The following ING5 variants were observed in gnomAD, a reference collection of about 807,000 sequenced individuals.
The protein encoded by ING5 is inhibitor of growth family member 5.
In ING5, 17 loss-of-function variants were observed where a neutral mutation model predicts 37.4. That is an observed-to-expected ratio of 0.45 (90% CI 0.31 to 0.68). The LOEUF (loss-of-function observed/expected upper bound fraction) is 0.68. Ranked by LOEUF, ING5 falls within the 30% of genes least tolerant of loss-of-function variation. The pLI is 0.05. For missense variants in ING5, 233 were observed against 311.9 expected (o/e 0.75, Z 1.91); for synonymous variants, 123 against 116.6 (o/e 1.06, Z -0.36).
intron 5 of ING5, among the ~76,000 whole-genome samples, chr2:241,715,287 T>G (rs972076955): frequency 6.6e-6 from 1 of 151,452 alleles, no homozygotes; most frequent in African/African-American, 2.4e-5. Flanking sequence ...CTCCACCTCC[T>G]GGGCTCAAGA....
upstream of ING5, chr2:241,701,972 G>A (rs1489821084): frequency 5.9e-5 from 51 of 860,318 alleles, no homozygotes; most frequent in Non-Finnish European, 7.2e-5. Context: ...CAGCGCGCGC[G>A]ACTCATGAAT....
intron 1 of ING5, among the ~76,000 whole-genome samples, chr2:241,702,491 G>C (rs983150781): frequency 6.6e-6 from 1 of 152,082 alleles, no homozygotes; most frequent in African/African-American, 2.4e-5. Flanking sequence ...CCGTCTGCAG[G>C]AGGAGCTGGC....
Position 241,726,500 on chromosome 2 carries a change from T to C in ING5, c.*1469T>C, listed in dbSNP as rs1226876987. On this transcript the variant is annotated 3_prime_UTR_variant, in exon 8 of 8. Coordinates refer to ENST00000313552, the MANE Select transcript of ING5 (RefSeq NM_032329.6). ...ACAAGAACACCCTGAACAGTCCTGG[T>C]TGGGATGGTGTCCACATTCATGTTC... 6.6e-6 allele frequency: 1 copy of C among 152,284 alleles called. No individual in the cohort carries two copies. The highest frequency in any genetic ancestry group is 2.4e-5 in the African/African-American group (1 of 41,472). The allele number at this position is 152,284 out of a possible 1,614,324, so 9.4% of individuals were successfully genotyped here.
chr2:241,717,669 A>G (rs908389439), intron 5 of ING5, among the ~76,000 whole-genome samples: 9 of 148,362 alleles, frequency 6.1e-5, no homozygotes, highest in Admixed American at 6.0e-4. Flanking sequence ...ATGATAAATT[A>G]CTGATAATAA....
rs569614125 is a variant in ING5 at position 241,710,773 on chromosome 2, C to T, written c.277-604C>T. On this transcript the variant is annotated intron_variant, in intron 3 of 7. Transcript: ENST00000313552. ...TGCTGGGATTACAGGTATGAGCCAC[C>T]GTGCCTGGCCTGTATTTTTAATAGA... 1.3e-3 allele frequency among the ~76,000 whole-genome samples: 200 copies of T among 150,032 alleles called. 2 individuals are homozygous for T. Among genetic ancestry groups the T allele is most frequent in the African/African-American group, 4.6e-3 (186 of 40,718 alleles).
intron 1 of ING5, among the ~76,000 whole-genome samples, chr2:241,688,776 A>G (rs1270753223): frequency 6.7e-6 from 1 of 149,690 alleles, no homozygotes. Flanking sequence ...GGCGCCCACC[A>G]CCACGCCCGG....
intron 5 of ING5, chr2:241,720,098 C>T: frequency 3.2e-6 from 4 of 1,239,706 alleles, no homozygotes; most frequent in Non-Finnish European, 4.0e-6. Flanking sequence ...GAGGATGGTG[C>T]AGGTGGGCAG....
Position 241,726,477 on chromosome 2 carries a change from A to G in ING5, c.*1446A>G, listed in dbSNP as rs1194304518. The G allele has an allele frequency of 6.6e-6, 1 of 152,266 alleles. No individual in the cohort carries two copies. Among genetic ancestry groups the G allele is most frequent in the Admixed American group, 6.5e-5 (1 of 15,282 alleles). 9.4% of individuals were successfully genotyped at this position (152,266 alleles called of 1,614,324 possible). A position where few individuals can be genotyped will look rare whatever the true frequency, so the allele number is the denominator to read the frequency against. ...AGTCAGTGAGTGAGAACAAGAGAACAAGAACACCCTGAACAGTCCTGGTTG... is the reference window on the plus strand; with the variant it reads ...AGTCAGTGAGTGAGAACAAGAGAACGAGAACACCCTGAACAGTCCTGGTTG... On this transcript the variant is annotated 3_prime_UTR_variant, in exon 8 of 8. Transcript: ENST00000313552.
In ING5 at chr2:241,729,457, ATAAAG is replaced by A. The variant is rs1382736408; in HGVS notation, c.*4429_*4433del. ...AGATTATGGATATATTGTTTAATAA[ATAAAG>A]TATTTTTTGGAACAAACAATTGAAA... On this transcript the variant is annotated 3_prime_UTR_variant, in exon 8 of 8. Transcript: ENST00000313552. The A allele has an allele frequency of 6.6e-6, 1 of 152,658 alleles. No homozygotes were observed. Among genetic ancestry groups the A allele is most frequent in the Non-Finnish European group, 1.5e-5 (1 of 68,054 alleles). The allele number at this position is 152,658 out of a possible 1,614,324, so 9.5% of individuals were successfully genotyped here.
rs1208607204 is a variant in ING5, at chr2:241,726,493, G to A, written c.*1462G>A. The A allele has an allele frequency of 1.3e-5, 2 of 152,296 alleles. No individual in the cohort carries two copies. The highest frequency in any genetic ancestry group is 2.4e-5 in the African/African-American group (1 of 41,478). The allele number at this position is 152,296 out of a possible 1,614,324, so 9.4% of individuals were successfully genotyped here. The stretch of plus-strand genomic sequence containing the variant: ...CAAGAGAACAAGAACACCCTGAACA[G>A]TCCTGGTTGGGATGGTGTCCACATT... On this transcript the variant is annotated 3_prime_UTR_variant, in exon 8 of 8. Transcript: ENST00000313552.
intron 5 of ING5, chr2:241,720,187 A>G: frequency 8.1e-7 from 1 of 1,234,640 alleles, no homozygotes; most frequent in Non-Finnish European, 1.0e-6. Context: ...GGTGCCTCCA[A>G]GGGCATCATC....
At chr2:241,721,139 C>T (rs1400125024) in intron 5 of ING5, 2 of 985,442 alleles carry the variant, frequency 2.0e-6, no homozygotes, top group Non-Finnish European at 2.4e-6. Context: ...GAGGGTGCTG[C>T]CCTGCTCTCC....
chr2:241,703,188 A>G (rs955854520), intron 1 of ING5, among the ~76,000 whole-genome samples: 2 of 151,946 alleles, frequency 1.3e-5, no homozygotes, highest in Non-Finnish European at 1.5e-5. Flanking sequence ...AGGAGGGTTG[A>G]CTTTGTGTGT....
intron 3 of ING5, among the ~76,000 whole-genome samples, chr2:241,710,188 C>A (rs1176232501): frequency 6.6e-6 from 1 of 152,130 alleles, no homozygotes; most frequent in Non-Finnish European, 1.5e-5. Context: ...CTCACTGCAA[C>A]CTGTGCCTCG....
upstream of ING5, among the ~76,000 whole-genome samples, chr2:241,699,716 T>C (rs1417625619): frequency 1.3e-5 from 2 of 152,120 alleles, no homozygotes; most frequent in Non-Finnish European, 2.9e-5. Flanking sequence ...GCCTACACGT[T>C]ACATCTAGTG....
intron 5 of ING5, chr2:241,721,626 G>T: frequency 1.0e-6 from 1 of 985,352 alleles, no homozygotes; most frequent in Non-Finnish European, 1.2e-6. Context: ...TTTTTCTCAC[G>T]GCCACGTTCC....
At chr2:241,713,373 T>G (rs1312845051) in intron 5 of ING5, among the ~76,000 whole-genome samples, 116 of 142,976 alleles carry the variant, frequency 8.1e-4, no homozygotes, top group African/African-American at 1.7e-3. Context: ...TTCAGTTTTT[T>G]TTTTTTTTTT....
At position 241,726,774 on chromosome 2, in the gene ING5, CTG is replaced by C. The variant is rs1691636598; in HGVS notation, c.*1744_*1745del. 1 of 152,178 alleles carries C rather than the reference CTG, an allele frequency of 6.6e-6. No individual in the cohort carries two copies. The highest frequency in any genetic ancestry group is 1.5e-5 in the Non-Finnish European group (1 of 68,108). The allele number at this position is 152,178 out of a possible 1,614,324, so 9.4% of individuals were successfully genotyped here. On this transcript the variant is annotated 3_prime_UTR_variant, in exon 8 of 8. Coordinates refer to ENST00000313552, the MANE Select transcript of ING5 (RefSeq NM_032329.6). ...CACACCCTTCGCCACGGCTGTGAAA[CTG>C]GAGATGGGTGGGTTTTGTATGTTAA...
upstream of ING5, among the ~76,000 whole-genome samples, chr2:241,699,211 G>T (rs1261582797): frequency 2.7e-5 from 4 of 150,196 alleles, no homozygotes; most frequent in Non-Finnish European, 5.9e-5. Flanking sequence ...TTTTAGTAGA[G>T]ACTGGGTTTC....
Sources: gnomAD v4.1 joint callset for allele counts (sites outside exome capture counted in the v4.1 genomes callset) on GRCh38, gnomAD v4.1.1 for gene constraint, MANE v1.5 for transcripts, NCBI Gene and HGNC (gene_info 2026-07-23, HGNC 2026-07-21) for gene names.